Variants in UBE2V2 observed in about 807,000 individuals in gnomAD.
UBE2V2 encodes the protein ubiquitin-conjugating enzyme E2 variant 2.
Under a neutral mutation model 17.2 loss-of-function variants are expected in UBE2V2, and 9 were observed. The ratio of observed to expected loss-of-function variants is 0.52; its 90% CI spans 0.32 to 0.91. The LOEUF is 0.91. Among genes scored for constraint, UBE2V2 ranks in the 40% least tolerant of loss-of-function variants. UBE2V2 has a pLI of 0.04. For missense variants in UBE2V2, 133 were observed against 182.6 expected (o/e 0.73, Z 1.56); for synonymous variants, 61 against 57.5 (o/e 1.06, Z -0.28).
At chr8:48,045,923 T>C (rs2091495560) in intron 2 of UBE2V2, among the ~76,000 whole-genome samples, 1 of 152,150 alleles carries the variant, frequency 6.6e-6, no homozygotes, top group Admixed American at 6.6e-5. Context: ...TATCTACATC[T>C]AGCCAGGAGA....
At chr8:48,051,741 G>A (rs934513120) in intron 3 of UBE2V2, among the ~76,000 whole-genome samples, 4 of 152,214 alleles carry the variant, frequency 2.6e-5, no homozygotes, top group Middle Eastern at 3.4e-3. Context: ...AACCTAATAC[G>A]CAGGTCTGAG....
intron 3 of UBE2V2, among the ~76,000 whole-genome samples, chr8:48,058,575 CAAA>C (rs571959848): frequency 2.2e-4 from 13 of 58,988 alleles, no homozygotes; most frequent in Admixed American, 5.9e-4. Context: ...GACCCTGTCT[CAAA>C]AAAAAAAAAA....
chr8:48,025,055 C>T (rs2091331422), intron 1 of UBE2V2, among the ~76,000 whole-genome samples: 1 of 151,802 alleles, frequency 6.6e-6, no homozygotes, highest in African/African-American at 2.4e-5. Flanking sequence ...CAGCTTCAGC[C>T]TCCCGAGTAG....
chr8:48,048,224 A>G (rs952944077), intron 2 of UBE2V2, among the ~76,000 whole-genome samples: 1 of 152,060 alleles, frequency 6.6e-6, no homozygotes, highest in African/African-American at 2.4e-5. Context: ...ACGGTTCTTT[A>G]CTCAGCATGA....
intron 2 of UBE2V2, among the ~76,000 whole-genome samples, chr8:48,044,382 C>T (rs2091484522): frequency 6.6e-6 from 1 of 152,166 alleles, no homozygotes; most frequent in South Asian, 2.1e-4. Context: ...CTCCTGGCCT[C>T]AAGTGATCCA....
intron 3 of UBE2V2, 61 bp downstream of exon 3, chr8:48,050,039 G>A (rs2091525531): frequency 3.5e-6 from 4 of 1,143,388 alleles, no homozygotes; most frequent in South Asian, 2.2e-5. Flanking sequence ...TATATTATAC[G>A]TACACACACC....
rs368729702 is a variant in UBE2V2, at chr8:48,013,047, A to G, written c.16+4577A>G. On this transcript the variant is annotated intron_variant, in intron 1 of 3. Coordinates refer to ENST00000523111, the MANE Select transcript of UBE2V2 (RefSeq NM_003350.3). ...TTTTTAGTAGAGACAGGGTTTCACC[A>G]TGTTGGCCAGGCTGGTTTCAAACTC... Among the ~76,000 whole-genome samples the G allele has an allele frequency of 9.2e-5, 14 of 151,924 alleles. No homozygotes were observed. The East Asian group carries it at 9.8e-4, about 11-fold the overall frequency.
chr8:48,008,426 C>T (rs371620636), upstream of UBE2V2: 4 of 1,560,912 alleles, frequency 2.6e-6, no homozygotes, highest in Admixed American at 1.9e-5. Flanking sequence ...TGCGTGCGTG[C>T]GGGCGGCTGC....
chr8:48,024,740 G>T (rs537522056), intron 1 of UBE2V2, among the ~76,000 whole-genome samples: 8 of 152,234 alleles, frequency 5.3e-5, no homozygotes, highest in Middle Eastern at 3.4e-3. Flanking sequence ...ATACTTGATA[G>T]AGTCTAAAGG....
chr8:48,050,043 A>G (rs559281099), intron 3 of UBE2V2, 65 bp downstream of exon 3: 1 of 1,129,894 alleles, frequency 8.9e-7, no homozygotes, highest in Admixed American at 2.9e-5. Context: ...TTATACGTAC[A>G]CACACCATAA....
In UBE2V2 at chr8:48,049,992, G is replaced by A. The variant is rs118090687; in HGVS notation, c.291+14G>A. The A allele has an allele frequency of 1.5e-3, 2,182 of 1,500,530 alleles. 2 individuals carry two copies. The highest frequency in any genetic ancestry group is 2.5e-3 in the Admixed American group (106 of 42,854). 93.0% of individuals were successfully genotyped at this position (1,500,530 alleles called of 1,614,324 possible). A position where few individuals can be genotyped will look rare whatever the true frequency, so the allele number is the denominator to read the frequency against. ...TCCAGTGGGATGGTAAGTTAATATA[G>A]TCATTTTGGTTTTATATAACATAAT... On this transcript the variant is annotated intron_variant, in intron 3 of 3. Transcript: ENST00000523111.
chr8:48,060,546 T>A, intron 3 of UBE2V2, 136 bp from the exon 4 acceptor site: 1 of 685,636 alleles, frequency 1.5e-6, no homozygotes, highest in Admixed American at 4.0e-5. Flanking sequence ...GTATTAGTAA[T>A]TCCATAGTGT....
chr8:48,053,618 G>C (rs1016339392), intron 3 of UBE2V2, among the ~76,000 whole-genome samples: 14 of 151,688 alleles, frequency 9.2e-5, no homozygotes, highest in Admixed American at 6.6e-4. Context: ...TAGAGACAGG[G>C]TTTCACCATG....
At chr8:48,015,144 G>A (rs1460629165) in intron 1 of UBE2V2, among the ~76,000 whole-genome samples, 1 of 151,926 alleles carries the variant, frequency 6.6e-6, no homozygotes, top group South Asian at 2.1e-4. Flanking sequence ...TTGGGAGGTC[G>A]AGGTGGGTGG....
At chr8:48,009,665 A>G (rs921804201) in intron 1 of UBE2V2, among the ~76,000 whole-genome samples, 11 of 152,344 alleles carry the variant, frequency 7.2e-5, no homozygotes, top group Admixed American at 3.3e-4. Flanking sequence ...TTTCAAATCT[A>G]TATGTACTGA....
intron 1 of UBE2V2, among the ~76,000 whole-genome samples, chr8:48,035,790 C>G (rs2091420457): frequency 1.4e-5 from 2 of 142,338 alleles, no homozygotes; most frequent in South Asian, 4.5e-4. Context: ...ACTCAGGAGG[C>G]TGAGGCAGGA....
At chr8:48,047,010 G>A (rs558079486) in intron 2 of UBE2V2, among the ~76,000 whole-genome samples, 38 of 149,730 alleles carry the variant, frequency 2.5e-4, no homozygotes, top group Middle Eastern at 3.4e-3. Flanking sequence ...ACACTATCTC[G>A]GGCTCACCGC....
At chr8:48,015,692 A>G (rs2091263726) in intron 1 of UBE2V2, among the ~76,000 whole-genome samples, 1 of 152,068 alleles carries the variant, frequency 6.6e-6, no homozygotes, top group East Asian at 1.9e-4. Flanking sequence ...TCTCCTGTCT[A>G]CTTCTGTGAG....
chr8:47,999,118 T>C, the UBE2V2 span, among the ~76,000 whole-genome samples: 1 of 152,124 alleles, frequency 6.6e-6, no homozygotes, highest in Non-Finnish European at 1.5e-5. Flanking sequence ...GGCTTCACCA[T>C]GGCCCTTGAT....
Sources: gnomAD v4.1 joint callset for allele counts (sites outside exome capture counted in the v4.1 genomes callset) on GRCh38, gnomAD v4.1.1 for gene constraint, MANE v1.5 for transcripts, NCBI Gene and HGNC (gene_info 2026-07-23, HGNC 2026-07-21) for gene names.